SPATC1: variants seen among roughly 807,000 people sequenced by gnomAD.
SPATC1 encodes speriolin.
Under a neutral mutation model 36.5 loss-of-function variants are expected in SPATC1, and 35 were observed. That is an observed-to-expected ratio of 0.96 (90% CI 0.73 to 1.27). The LOEUF is 1.27. Among genes scored for constraint, SPATC1 ranks in the 50% most tolerant of loss-of-function variants. The pLI is 0.00. For missense variants in SPATC1, 779 were observed against 796.0 expected, an observed-to-expected ratio of 0.98 and a Z score of 0.26; for synonymous variants, 361 against 353.6, an observed-to-expected ratio of 1.02 and a Z score of -0.24.
At chr8:144,032,962 C>T (rs1380114611) in intron 1 of SPATC1, among the ~76,000 whole-genome samples, 1 of 151,674 alleles carries the variant, frequency 6.6e-6, no homozygotes, top group African/African-American at 2.4e-5. Context: ...AAACAACGAC[C>T]AACTACGACC....
chr8:144,046,603 C>T lies in SPATC1; in HGVS notation c.1447-24C>T. On this transcript the variant is annotated intron_variant, in intron 4 of 4. Transcript: ENST00000377470. This position sits in a 1 kb window ranked among gnomAD's most constrained non-coding sequence, Gnocchi z 6.6. ...GTGTGGAGGTGTGGCAAGGGAGGGT[C>T]CCTGATGGCCGCTGTCCCCACAGGC... The T allele has an allele frequency of 1.3e-6, 2 of 1,590,476 alleles. No individual in the cohort carries two copies. The highest frequency in any genetic ancestry group is 2.2e-5 in the East Asian group (1 of 44,694).
Position 144,046,172 on chromosome 8 carries a change from G to T in SPATC1, c.1447-455G>T, listed in dbSNP as rs1835255728. Among the ~76,000 whole-genome samples, 1 of 152,118 alleles carries T rather than the reference G, an allele frequency of 6.6e-6. No homozygotes were observed. The highest frequency in any genetic ancestry group is 2.1e-4 in the South Asian group (1 of 4,836). On this transcript the variant is annotated intron_variant, in intron 4 of 4. Transcript: ENST00000377470. This position sits in a 1 kb window ranked among gnomAD's most constrained non-coding sequence, Gnocchi z 6.6. ...GATGGAGGCCAGGGTAAGGAAGGGG[G>T]TGGCCTTCAGACGCTGAAAGGGAGC... is the stretch of plus-strand genomic sequence containing the variant.
chr8:144,031,723 C>A (rs1424814324), intron 1 of SPATC1, among the ~76,000 whole-genome samples: 9 of 129,038 alleles, frequency 7.0e-5, no homozygotes, highest in African/African-American at 1.2e-4. Context: ...TTCTTTCTTT[C>A]TTTTTTTTTT....
Position 144,012,496 on chromosome 8 carries a change from C to A in SPATC1, c.-20C>A, listed in dbSNP as rs1554752590. On this transcript the variant is annotated 5_prime_UTR_variant, in exon 1 of 5. Transcript: ENST00000377470. ...TGCAGTGCCCTCCCGTGGGCCGCAC[C>A]CTTGCCACTGCCCCAGGGCATGTCT... 5.2e-6 allele frequency: 8 copies of A among 1,550,738 alleles called. No homozygotes were observed. Among genetic ancestry groups the A allele is most frequent in the Non-Finnish European group, 6.1e-6 (7 of 1,146,224 alleles).
intron 1 of SPATC1, among the ~76,000 whole-genome samples, chr8:144,034,139 G>C (rs954898169): frequency 5.1e-4 from 77 of 152,374 alleles, no homozygotes; most frequent in African/African-American, 1.8e-3. Context: ...CAAAGGCCCA[G>C]CATTGGCCAG....
intron 4 of SPATC1, among the ~76,000 whole-genome samples, chr8:144,043,664 C>T (rs1009293246): frequency 6.6e-6 from 1 of 151,654 alleles, no homozygotes; most frequent in African/African-American, 2.4e-5. Context: ...GTACGAGCCA[C>T]TGCACTGGCC....
chr8:144,042,989 TA>T (rs1835157283), intron 4 of SPATC1, among the ~76,000 whole-genome samples: 1 of 141,306 alleles, frequency 7.1e-6, no homozygotes, highest in Admixed American at 6.8e-5. Flanking sequence ...CACACCTGGC[TA>T]TTTTTTTTTT....
In SPATC1 at chr8:144,040,104, C is replaced by T; in HGVS notation, c.407C>T (p.Pro136Leu). 1 of 1,611,330 alleles carries T rather than the reference C, an allele frequency of 6.2e-7. No homozygotes were observed. The highest frequency in any genetic ancestry group is 1.1e-5 in the South Asian group (1 of 91,032). The change falls in exon 2 of 5, where the codon CCC becomes CTC. Residue 136 changes from proline to leucine, a missense_variant. Transcript: ENST00000377470. ...CCAGCACCCACGTCACAGAGCAGCCCCCTCACCAGCTTCCTGACCAGTCCC... is the reference window on the plus strand; with the variant it reads ...CCAGCACCCACGTCACAGAGCAGCCTCCTCACCAGCTTCCTGACCAGTCCC... ...SGPAPTSQSS[P>L]LTSFLTSPIA...
At chr8:144,037,326 A>G (rs1210865460) in intron 1 of SPATC1, among the ~76,000 whole-genome samples, 4 of 151,410 alleles carry the variant, frequency 2.6e-5, no homozygotes, top group Middle Eastern at 3.4e-3. Context: ...GTACCCAACA[A>G]CTCATTGAGA....
rs915719096 is a variant in SPATC1 at position 144,020,656 on chromosome 8, C to G, written c.211+7930C>G. Among the ~76,000 whole-genome samples the G allele has an allele frequency of 1.5e-3, 222 of 151,622 alleles. 1 individual carries two copies. In the East Asian group the frequency reaches 0.031, roughly 21 times the overall value. On this transcript the variant is annotated intron_variant, in intron 1 of 4. Transcript: ENST00000377470. Reference sequence around the variant, plus strand: ...CCCTGAGTATACTCTCCCTTCAGGACCCTCCCCGCCAGGACCCTCTCCCCT... The same window carrying G: ...CCCTGAGTATACTCTCCCTTCAGGAGCCTCCCCGCCAGGACCCTCTCCCCT...
At chr8:144,022,724 A>ATC (rs1225432798) in intron 1 of SPATC1, among the ~76,000 whole-genome samples, 2 of 104,564 alleles carry the variant, frequency 1.9e-5, no homozygotes, top group African/African-American at 3.6e-5. Flanking sequence ...CCCTGAGGAA[A>ATC]CTCTCCCCTC....
In SPATC1 at chr8:144,040,648, ACCT is replaced by A. The variant is rs1554755732; in HGVS notation, c.850_852del (p.Ser284del). 4 of 1,611,020 alleles carry A rather than the reference ACCT, an allele frequency of 2.5e-6. No homozygotes were observed. The African/African-American group carries it at 5.4e-5, about 22-fold the overall frequency. On this transcript the variant is annotated inframe_deletion, in exon 3 of 5. Transcript: ENST00000377470. ...GGCGTTTGCAGGAGCACCCCTCCAG[ACCT>A]CCACCCCTATCGGAGCCATGGGCAC... is the stretch of plus-strand genomic sequence containing the variant.
intron 3 of SPATC1, 26 bp downstream of exon 3, chr8:144,041,133 G>A (rs782402687): frequency 2.4e-5 from 38 of 1,581,248 alleles, no homozygotes; most frequent in Non-Finnish European, 2.9e-5. Context: ...GGCTCCACGC[G>A]GGTCGGGCCC....
chr8:144,023,791 G>T (rs1587498286), intron 1 of SPATC1, among the ~76,000 whole-genome samples: 49 of 302 alleles, frequency 0.16, 24 homozygotes, highest in Admixed American at 0.25. Context: ...TCTTCCCTCA[G>T]AACCCTCTAG....
intron 1 of SPATC1, among the ~76,000 whole-genome samples, chr8:144,029,881 C>A (rs1435353950): frequency 1.3e-5 from 2 of 152,182 alleles, no homozygotes; most frequent in Non-Finnish European, 2.9e-5. Flanking sequence ...CCGGTTCTAT[C>A]CACTACCGAA....
chr8:144,026,378 C>T (rs1396606805), intron 1 of SPATC1, among the ~76,000 whole-genome samples: 7 of 152,082 alleles, frequency 4.6e-5, no homozygotes, highest in Non-Finnish European at 8.8e-5. Flanking sequence ...GGGTTATTTC[C>T]TCCTTTGGGC....
intron 1 of SPATC1, among the ~76,000 whole-genome samples, chr8:144,029,220 A>T (rs1165848010): frequency 2.6e-5 from 4 of 151,180 alleles, no homozygotes; most frequent in African/African-American, 9.8e-5. Context: ...AAAAAAAAAA[A>T]AAAAAAAAAA....
Position 144,041,381 on chromosome 8 carries a change from C to T in SPATC1, c.1446+10C>T. 1 of 1,605,576 alleles carries T rather than the reference C, an allele frequency of 6.2e-7. No individual in the cohort carries two copies. The highest frequency in any genetic ancestry group is 8.5e-7 in the Non-Finnish European group (1 of 1,179,630). ...AGAGAAGATCATCCAGGTGTGCGGC[C>T]AGGGGTCCTGCAGGGACAGGGGGCA... is the stretch of plus-strand genomic sequence containing the variant. On this transcript the variant is annotated intron_variant, in intron 4 of 4. Transcript: ENST00000377470.
intron 1 of SPATC1, among the ~76,000 whole-genome samples, chr8:144,029,262 A>G (rs1481709036): frequency 2.0e-5 from 3 of 148,882 alleles, no homozygotes; most frequent in East Asian, 2.0e-4. Context: ...GTCTTTGCAC[A>G]CTTGCCAAAA....
Sources: gnomAD v4.1 joint callset for allele counts (sites outside exome capture counted in the v4.1 genomes callset) on GRCh38, gnomAD v4.1.1 for gene constraint, Gnocchi (gnomAD v3.1) non-coding constraint, MANE v1.5 for transcripts, NCBI Gene and HGNC (gene_info 2026-07-23, HGNC 2026-07-21) for gene names.